The following SPTB variants were observed in gnomAD, a reference collection of about 807,000 sequenced individuals.
The protein encoded by SPTB is spectrin beta, erythrocytic.
In SPTB, 45 loss-of-function variants were observed where a neutral mutation model predicts 256.2. That is an observed-to-expected ratio of 0.18 (90% confidence interval 0.14 to 0.23). The LOEUF is 0.23. Among genes scored for constraint, SPTB ranks in the 10% least tolerant of loss-of-function variants. The pLI, the probability that SPTB is intolerant of heterozygous loss-of-function variation, is 1.00. For missense variants in SPTB, 2,715 were observed against 3,040.4 expected (o/e 0.89, Z 2.52); for synonymous variants, 1,231 against 1,243.1 (o/e 0.99, Z 0.21).
chr14:64,761,359 A>G (rs867813692), intron 32 of SPTB, among the ~76,000 whole-genome samples: 3 of 152,204 alleles, frequency 2.0e-5, no homozygotes, highest in South Asian at 4.1e-4. Context: ...GACGCCTTAA[A>G]GGAGAAAGCA....
At chr14:64,761,749 G>A (rs2139455819) in intron 32 of SPTB, among the ~76,000 whole-genome samples, 1 of 152,302 alleles carries the variant, frequency 6.6e-6, no homozygotes, top group South Asian at 2.1e-4. Flanking sequence ...TCAGGTCCCT[G>A]CCCTGAAGGA....
chr14:64,878,780 A>C (rs58349700), intron 1 of SPTB, among the ~76,000 whole-genome samples: 2,286 of 113,764 alleles, frequency 0.02, 38 homozygotes, highest in African/African-American at 0.061. Context: ...ATATCCCCCC[A>C]CCCCACCCCC....
chr14:64,844,389 A>T lies in SPTB; in HGVS notation c.-51-21244T>A, dbSNP rs141182754. 6.6e-6 allele frequency among the ~76,000 whole-genome samples: 1 copy of T among 152,318 alleles called. No individual in the cohort carries two copies. The highest frequency in any genetic ancestry group is 1.9e-4 in the East Asian group (1 of 5,192). On this transcript the variant is annotated intron_variant, in intron 1 of 35. Transcript: ENST00000644917. The surrounding 1 kb of genome is among the most constrained non-coding windows in gnomAD (Gnocchi z 4.1). ...CATCACCCCCAACAACGAAACAACC[A>T]TGTTTAGTGAGTACTTAGAACATGT...
chr14:64,774,638 G>A (rs2082330497), intron 23 of SPTB, 111 bp from the exon 24 acceptor site: 6 of 1,470,968 alleles, frequency 4.1e-6, no homozygotes, highest in East Asian at 2.5e-5. Context: ...GAGTAGGCTT[G>A]TGGGACACCC....
chr14:64,860,520 T>A (rs1389944024), intron 1 of SPTB, among the ~76,000 whole-genome samples: 1 of 151,834 alleles, frequency 6.6e-6, no homozygotes, highest in South Asian at 2.1e-4. Flanking sequence ...TTTTTTTTTA[T>A]AACTATGCTT....
At position 64,827,569 on chromosome 14, in the gene SPTB, C is replaced by T. The variant is rs1215142666; in HGVS notation, c.-51-4424G>A. Among the ~76,000 whole-genome samples, 1 of 152,102 alleles carries T rather than the reference C, an allele frequency of 6.6e-6. No individual in the cohort carries two copies. Among genetic ancestry groups the T allele is most frequent in the Non-Finnish European group, 1.5e-5 (1 of 68,012 alleles). ...TTTCTCTGGTAATTTTTCTGTCAAT[C>T]CATCACCAAAAAAGGAACATCCTTC... On this transcript the variant is annotated intron_variant, in intron 1 of 35. Transcript: ENST00000644917. This position sits in a 1 kb window ranked among gnomAD's most constrained non-coding sequence, Gnocchi z 4.6.
chr14:64,802,361 T>C lies in SPTB; in HGVS notation c.475-44A>G, dbSNP rs1195109105. 1 of 1,591,268 alleles carries C rather than the reference T, an allele frequency of 6.3e-7. No individual in the cohort carries two copies. Among genetic ancestry groups the C allele is most frequent in the Admixed American group, 1.7e-5 (1 of 59,150 alleles). ...GAGAGATTTGAAGAGGATGTGCATC[T>C]GGATCTGTGCTTTCCTGCCGTCCCT... On this transcript the variant is annotated intron_variant, in intron 4 of 35. Transcript: ENST00000644917. This position sits in a 1 kb window ranked among gnomAD's most constrained non-coding sequence, Gnocchi z 5.1.
At chr14:64,868,636 C>A (rs917376899) in intron 1 of SPTB, among the ~76,000 whole-genome samples, 1 of 152,098 alleles carries the variant, frequency 6.6e-6, no homozygotes, top group African/African-American at 2.4e-5. Context: ...CAGTGGTAAA[C>A]AAGCTAGGAG....
At chr14:64,878,740 A>C (rs979779569) in intron 1 of SPTB, among the ~76,000 whole-genome samples, 1 of 152,114 alleles carries the variant, frequency 6.6e-6, no homozygotes, top group Admixed American at 6.6e-5. Context: ...CTCTCCCCAC[A>C]GAAATTCTCA....
chr14:64,850,419 T>C (rs543965630), intron 1 of SPTB, among the ~76,000 whole-genome samples: 1 of 152,336 alleles, frequency 6.6e-6, no homozygotes, highest in Admixed American at 6.5e-5. Flanking sequence ...AGACTTGATT[T>C]TTCAAAAAGC....
In SPTB at chr14:64,800,788, C is replaced by A. The variant is rs151022993; in HGVS notation, c.844G>T (p.Val282Leu). The A allele has an allele frequency of 1.2e-6, 2 of 1,614,136 alleles. No individual in the cohort carries two copies. The highest frequency in any genetic ancestry group is 3.3e-5 in the Admixed American group (2 of 60,016). ...AFYHYFSKMK[V>L]LAVEGKRVGK... ...ACACGCTTGCCCTCCACTGCCAGCA[C>A]CTTCATCTTGGAGAAGTAGTGGTAA... The change falls in exon 8 of 36, where the codon GTG becomes TTG. Residue 282 changes from valine to leucine, a missense_variant. By Grantham distance (32) the Val-to-Leu change is conservative. Transcript: ENST00000644917.
intron 32 of SPTB, chr14:64,766,450 A>G: frequency 7.0e-7 from 1 of 1,420,582 alleles, no homozygotes; most frequent in Non-Finnish European, 9.2e-7. Context: ...AAAATTTATT[A>G]CATTAGGTAA....
intron 32 of SPTB, chr14:64,766,310 G>A (rs2082181265): frequency 1.0e-6 from 1 of 977,970 alleles, no homozygotes; most frequent in African/African-American, 1.7e-5. Context: ...GTGTGTAGGT[G>A]TGGGTGCAGG....
chr14:64,839,559 T>C (rs1000881943), intron 1 of SPTB, among the ~76,000 whole-genome samples: 1 of 152,208 alleles, frequency 6.6e-6, no homozygotes, highest in Non-Finnish European at 1.5e-5. Context: ...TTTTACTGTA[T>C]GTAAATTATG....
At chr14:64,791,657 C>G in intron 15 of SPTB, 62 bp downstream of exon 15, 1 of 1,608,050 alleles carries the variant, frequency 6.2e-7, no homozygotes, top group Non-Finnish European at 8.5e-7. Flanking sequence ...GGGCCCGGCC[C>G]CCAGCAGTGT....
In SPTB at chr14:64,748,268, A is replaced by G. The variant is rs930470501; in HGVS notation, c.*1038T>C. The stretch of plus-strand genomic sequence containing the variant: ...AAGTCCCAGCTGCAGACAGGATGCA[A>G]TTGAGCATTTGGCTTTGGGATGCTT... On this transcript the variant is annotated 3_prime_UTR_variant, in exon 36 of 36. Coordinates refer to ENST00000644917, the MANE Select transcript of SPTB (RefSeq NM_001355436.2). The G allele has an allele frequency of 8.6e-5, 13 of 151,664 alleles. No individual in the cohort carries two copies. The highest frequency in any genetic ancestry group is 2.9e-4 in the African/African-American group (12 of 41,026). 9.4% of individuals were successfully genotyped at this position (151,664 alleles called of 1,614,324 possible).
rs979379513 is a variant in SPTB, at chr14:64,769,844, CCTCT to C, written c.5799-120_5799-117del. 4.1e-6 allele frequency: 6 copies of C among 1,445,828 alleles called. No homozygotes were observed. In the African/African-American group the frequency reaches 7.1e-5, roughly 17 times the overall value. 89.6% of individuals were successfully genotyped at this position (1,445,828 alleles called of 1,614,324 possible). On this transcript the variant is annotated intron_variant, in intron 27 of 35. Transcript: ENST00000644917. ...CTGTGGGAGTGTGACCGTGCTCCCT[CCTCT>C]CTCTCTGGCCAGCCAGGGGGTCCTC...
At position 64,775,498 on chromosome 14, in the gene SPTB, C is replaced by CT; in HGVS notation, c.4564-96dup. The CT allele has an allele frequency of 6.8e-7, 1 of 1,473,244 alleles. No homozygotes were observed. The highest frequency in any genetic ancestry group is 9.1e-7 in the Non-Finnish European group (1 of 1,094,706). The allele number at this position is 1,473,244 out of a possible 1,614,324, so 91.3% of individuals were successfully genotyped here. ...AGCACAGCTCTGACACCCTTGGTCC[C>CT]TCTCACCCCCGTTGCTAGAGCAGAG... On this transcript the variant is annotated intron_variant, in intron 22 of 35. Coordinates refer to ENST00000644917, the MANE Select transcript of SPTB (RefSeq NM_001355436.2). This position sits in a 1 kb window ranked among gnomAD's most constrained non-coding sequence, Gnocchi z 5.0.
In SPTB at chr14:64,762,027, C is replaced by T. The variant is rs2082103267; in HGVS notation, c.6345+4699G>A. Among the ~76,000 whole-genome samples the T allele has an allele frequency of 2.0e-5, 3 of 152,214 alleles. No homozygotes were observed. In the South Asian group the frequency reaches 6.2e-4, roughly 32 times the overall value. On this transcript the variant is annotated intron_variant, in intron 32 of 35. Transcript: ENST00000644917. The stretch of plus-strand genomic sequence containing the variant: ...GAGGGGCCAGGAATATTAAATCTGA[C>T]CACAGCAAGGAGAAAGGGACATGCC...
Sources: gnomAD v4.1 joint callset for allele counts (sites outside exome capture counted in the v4.1 genomes callset) on GRCh38, gnomAD v4.1.1 for gene constraint, Gnocchi (gnomAD v3.1) non-coding constraint, MANE v1.5 for transcripts, NCBI Gene and HGNC (gene_info 2026-07-23, HGNC 2026-07-21) for gene names.